The following CDH22 variants were observed in gnomAD, a reference collection of about 807,000 sequenced individuals.
CDH22 encodes cadherin 22, also known as cadherin-22.
CDH22 carries 30 observed loss-of-function variants against 58.4 expected under a neutral mutation model. The observed-to-expected ratio is 0.51, with a 90% CI of 0.38 to 0.70. The LOEUF is 0.70. CDH22 is among the 30% of genes least tolerant of loss of function. The pLI is 0.00. For missense variants in CDH22, 1,014 were observed against 1,233.9 expected (o/e 0.82, Z 2.67); for synonymous variants, 513 against 558.2 (o/e 0.92, Z 1.14).
chr20:46,301,473 T>G (rs1854491956), intron 1 of CDH22, among the ~76,000 whole-genome samples: 1 of 151,302 alleles, frequency 6.6e-6, no homozygotes, highest in Non-Finnish European at 1.5e-5. Context: ...CATTTTCTCA[T>G]TTTGTTTATC....
At chr20:46,239,416 A>G (rs1179226044) in intron 3 of CDH22, among the ~76,000 whole-genome samples, 1 of 152,150 alleles carries the variant, frequency 6.6e-6, no homozygotes, top group African/African-American at 2.4e-5. Context: ...ACTCACATCC[A>G]CAGCCCCACT....
At position 46,301,274 on chromosome 20, in the gene CDH22, C is replaced by T. The variant is rs573606218; in HGVS notation, c.-400+6981G>A. ...TGTATTAAATACTTCATATGAGCCCCGTGCAGTGTTAAGCGCTTTGTCTGT... is the reference window on the plus strand; with the variant it reads ...TGTATTAAATACTTCATATGAGCCCTGTGCAGTGTTAAGCGCTTTGTCTGT... On this transcript the variant is annotated intron_variant, in intron 1 of 11. Coordinates refer to ENST00000537909, the MANE Select transcript of CDH22 (RefSeq NM_021248.3). 2.4e-4 allele frequency among the ~76,000 whole-genome samples: 36 copies of T among 152,050 alleles called. 1 individual carries two copies. In the South Asian group the frequency reaches 6.2e-3, roughly 26 times the overall value.
chr20:46,259,917 C>T (rs2086424649), intron 1 of CDH22, among the ~76,000 whole-genome samples: 1 of 152,176 alleles, frequency 6.6e-6, no homozygotes, highest in Non-Finnish European at 1.5e-5. Context: ...AAGGACATGG[C>T]TGGCTGCAAA....
chr20:46,302,536 C>T (rs568826495), intron 1 of CDH22, among the ~76,000 whole-genome samples: 10 of 152,264 alleles, frequency 6.6e-5, no homozygotes, highest in Non-Finnish European at 1.2e-4. Context: ...ACAGGAGTCA[C>T]GTGTGCCTGG....
Position 46,227,537 on chromosome 20 carries a change from T to C in CDH22, c.641A>G (p.Glu214Gly), listed in dbSNP as rs752451506. 7.7e-6 allele frequency: 12 copies of C among 1,567,982 alleles called. No individual in the cohort carries two copies. The East Asian group carries it at 2.4e-4, about 32-fold the overall frequency. ...CTTGGGGTCCACGGTGAAGTGGTGC[T>C]CGCCGTCCAGCACGCTGTACACCAG... Reference protein sequence around the residue: ...ARLVYSVLDGEHHFTVDPKTG... With the variant: ...ARLVYSVLDGGHHFTVDPKTG... Residue 214 changes from glutamate to glycine, a missense_variant, in exon 4 of 12, where the codon GAG becomes GGG. Coordinates refer to ENST00000537909, the MANE Select transcript of CDH22 (RefSeq NM_021248.3).
intron 6 of CDH22, among the ~76,000 whole-genome samples, chr20:46,212,331 T>C (rs947683624): frequency 6.6e-6 from 1 of 152,180 alleles, no homozygotes; most frequent in African/African-American, 2.4e-5. Flanking sequence ...AGACCTCCCA[T>C]GGGAGAGTGG....
intron 7 of CDH22, among the ~76,000 whole-genome samples, chr20:46,202,183 TG>T (rs1030486677): frequency 6.6e-6 from 1 of 152,044 alleles, no homozygotes; most frequent in African/African-American, 2.4e-5. Flanking sequence ...GCGAGCCTTC[TG>T]CTTGCCCAGC....
At chr20:46,271,448 A>C (rs2086488511) in intron 1 of CDH22, among the ~76,000 whole-genome samples, 1 of 152,092 alleles carries the variant, frequency 6.6e-6, no homozygotes, top group South Asian at 2.1e-4. Flanking sequence ...TAAAAAACAA[A>C]ACCAAGCACA....
In CDH22 at chr20:46,212,453, A is replaced by T. The variant is rs185497893; in HGVS notation, c.1032+542T>A. Among the ~76,000 whole-genome samples the T allele has an allele frequency of 7.9e-4, 120 of 152,080 alleles. 1 individual carries two copies. Among genetic ancestry groups the T allele is most frequent in the African/African-American group, 2.8e-3 (116 of 41,474 alleles). On this transcript the variant is annotated intron_variant, in intron 6 of 11. Transcript: ENST00000537909. ...TATTTGACCTCCCTAGGGATCGCTG[A>T]GTTTGCAGTTTGAGTTTCTGGTTCC...
intron 8 of CDH22, among the ~76,000 whole-genome samples, chr20:46,190,596 A>G (rs1450293540): frequency 1.3e-5 from 2 of 152,264 alleles, no homozygotes; most frequent in Non-Finnish European, 2.9e-5. Flanking sequence ...TTCTTCTAAA[A>G]TAAATTATAT....
rs750479127 is a variant in CDH22, at chr20:46,175,049, C to A, written c.1944G>T (p.Arg648Ser). 1.2e-6 allele frequency: 2 copies of A among 1,609,192 alleles called. No individual in the cohort carries two copies. Among genetic ancestry groups the A allele is most frequent in the South Asian group, 2.2e-5 (2 of 90,808 alleles). The stretch of plus-strand genomic sequence containing the variant: ...AGCTCAGGTGGCTCTTGTGGTGGCG[C>A]CTGAGGGTGAGGATCAGCAGCACCA... Reference protein sequence around the residue: ...VVLVLLILTLRRHHKSHLSSD... With the variant: ...VVLVLLILTLSRHHKSHLSSD... The change falls in exon 12 of 12, where the codon AGG becomes AGT. Residue 648 changes from arginine to serine, a missense_variant. Physicochemically the swap from Arg to Ser is moderately radical, Grantham distance 110 (BLOSUM62 -1). This residue lies in a region of CDH22 where 806 missense variants were observed against 1,038.7 expected (regional missense o/e 0.78). Transcript: ENST00000537909.
At chr20:46,198,166 C>G (rs2085922296) in intron 8 of CDH22, among the ~76,000 whole-genome samples, 1 of 151,950 alleles carries the variant, frequency 6.6e-6, no homozygotes, top group Non-Finnish European at 1.5e-5. Context: ...GGGCACTCCC[C>G]CTGGCCTCTC....
intron 10 of CDH22, among the ~76,000 whole-genome samples, chr20:46,183,990 G>A (rs961865433): frequency 1.3e-5 from 2 of 152,102 alleles, no homozygotes; most frequent in South Asian, 2.1e-4. Context: ...TGGGGTGGTC[G>A]TTTTCTCTCA....
intron 2 of CDH22, among the ~76,000 whole-genome samples, chr20:46,243,290 G>C (rs1273747352): frequency 1.3e-5 from 2 of 152,230 alleles, no homozygotes; most frequent in Non-Finnish European, 2.9e-5. Context: ...GTGCCATTTG[G>C]AAGATTGAAT....
At position 46,300,066 on chromosome 20, in the gene CDH22, G is replaced by A. The variant is rs1032476390; in HGVS notation, c.-400+8189C>T. ...CTGCTCTGAGACACCATAGGGCCCT[G>A]GGCAAGTTCCAGCCTCTCCCTGGGC... On this transcript the variant is annotated intron_variant, in intron 1 of 11. Coordinates refer to ENST00000537909, the MANE Select transcript of CDH22 (RefSeq NM_021248.3). The surrounding 1 kb of genome is among the most constrained non-coding windows in gnomAD (Gnocchi z 4.4). Among the ~76,000 whole-genome samples the A allele has an allele frequency of 6.6e-6, 1 of 152,162 alleles. No individual in the cohort carries two copies. Among genetic ancestry groups the A allele is most frequent in the African/African-American group, 2.4e-5 (1 of 41,424 alleles).
intron 1 of CDH22, among the ~76,000 whole-genome samples, chr20:46,295,730 A>C (rs1041746285): frequency 6.6e-6 from 1 of 152,182 alleles, no homozygotes; most frequent in Non-Finnish European, 1.5e-5. Flanking sequence ...CTTGCCTGAT[A>C]GTCAAAAGAC....
At chr20:46,247,810 G>T (rs559959248) in intron 2 of CDH22, among the ~76,000 whole-genome samples, 12 of 152,220 alleles carry the variant, frequency 7.9e-5, no homozygotes. Context: ...TATTTGCTAA[G>T]AGATGGAAAC....
chr20:46,303,897 G>A (rs537898666), intron 1 of CDH22, among the ~76,000 whole-genome samples: 23 of 152,176 alleles, frequency 1.5e-4, no homozygotes, highest in African/African-American at 4.8e-4. Context: ...TCTGGTTGCC[G>A]CAGGGGTTGC....
At chr20:46,301,448 G>C (rs1020337339) in intron 1 of CDH22, among the ~76,000 whole-genome samples, 1 of 151,712 alleles carries the variant, frequency 6.6e-6, no homozygotes, top group Admixed American at 6.6e-5. Flanking sequence ...CTAATCAGTA[G>C]GTTGTCATGT....
Sources: gnomAD v4.1 joint callset for allele counts (sites outside exome capture counted in the v4.1 genomes callset) on GRCh38, gnomAD v4.1.1 for gene constraint, gnomAD v4.1.1 regional missense constraint, Gnocchi (gnomAD v3.1) non-coding constraint, MANE v1.5 for transcripts, NCBI Gene and HGNC (gene_info 2026-07-23, HGNC 2026-07-21) for gene names.